The following PLG variants were observed in gnomAD, a reference collection of about 807,000 sequenced individuals.
PLG encodes the protein plasmin.
Under a neutral mutation model 104.4 loss-of-function variants are expected in PLG, and 41 were observed. The ratio of observed to expected loss-of-function variants is 0.39; its 90% CI spans 0.31 to 0.51. The LOEUF (loss-of-function observed/expected upper bound fraction) is 0.51. PLG is among the 20% of genes least tolerant of loss of function. The pLI is 0.76. For synonymous variants in PLG, 337 were observed against 357.1 expected, an observed-to-expected ratio of 0.94 and a Z score of 0.63; for missense variants, 891 against 1,003.6, an observed-to-expected ratio of 0.89 and a Z score of 1.52.
rs776753449 is a variant in PLG at position 160,741,354 on chromosome 6, T to A, written c.2062T>A (p.Ser688Thr). 2 of 1,613,374 alleles carry A rather than the reference T, an allele frequency of 1.2e-6. No individual in the cohort carries two copies. Among genetic ancestry groups the A allele is most frequent in the South Asian group, 2.2e-5 (2 of 91,080 alleles). Residue 688 changes from serine (S) to threonine (T), a missense_variant, in exon 17 of 19, where the codon TCC becomes ACC. Ser to Thr is a moderately conservative substitution (Grantham distance 58, BLOSUM62 1). Coordinates refer to ENST00000308192, the MANE Select transcript of PLG (RefSeq NM_000301.5). The surrounding 1 kb of genome is among the most constrained non-coding windows in gnomAD (Gnocchi z 4.7). ...TDKVIPACLP[S>T]PNYVVADRTE... ...CAAAGTAATCCCAGCTTGTCTGCCA[T>A]CCCCAAATTATGTGGTCGCTGACCG... is the stretch of plus-strand genomic sequence containing the variant.
At chr6:160,715,823 C>T (rs1365733496) in intron 6 of PLG, among the ~76,000 whole-genome samples, 1 of 152,238 alleles carries the variant, frequency 6.6e-6, no homozygotes, top group Admixed American at 6.5e-5. Context: ...TGGGTAAAGG[C>T]ACTTCCAGGA....
rs1277190549 is a variant in PLG at position 160,723,846 on chromosome 6, T to C, written c.1256+1279T>C. Among the ~76,000 whole-genome samples, 1 of 152,188 alleles carries C rather than the reference T, an allele frequency of 6.6e-6. No homozygotes were observed. Among genetic ancestry groups the C allele is most frequent in the African/African-American group, 2.4e-5 (1 of 41,442 alleles). On this transcript the variant is annotated intron_variant, in intron 10 of 18. Transcript: ENST00000308192. The surrounding 1 kb of genome is among the most constrained non-coding windows in gnomAD (Gnocchi z 4.7). ...CTGAGGAGAGACCTCGCTGAACATC[T>C]TGGGCATTCAGTAGTCACCACATAA...
chr6:160,741,517 T>A lies in PLG; in HGVS notation c.2125+100T>A, dbSNP rs1778195517. On this transcript the variant is annotated intron_variant, in intron 17 of 18. Transcript: ENST00000308192. The surrounding 1 kb of genome is among the most constrained non-coding windows in gnomAD (Gnocchi z 4.7). ...AGAAAGCTGTGCAAATTCCTATCCA[T>A]GAATGTGGTCCACCCCACTCCTGAT... 1.2e-6 allele frequency: 1 copy of A among 816,730 alleles called. No individual in the cohort carries two copies. 50.6% of individuals were successfully genotyped at this position (816,730 alleles called of 1,614,324 possible). A position where few individuals can be genotyped will look rare whatever the true frequency, so the allele number is the denominator to read the frequency against.
Position 160,716,701 on chromosome 6 carries a change from G to C in PLG, c.725G>C (p.Arg242Pro). The change falls in exon 7 of 19, where the codon CGG becomes CCG. Residue 242 changes from arginine to proline, a missense_variant. Around this residue, in one of 2 missense-constraint regions of PLG, gnomAD observed 854 missense variants for 932.1 expected, o/e 0.92. Coordinates refer to ENST00000308192, the MANE Select transcript of PLG (RefSeq NM_000301.5). ...NYCRNPDREL[R>P]PWCFTTDPNK... The stretch of plus-strand genomic sequence containing the variant: ...TGTCGTAACCCCGATAGGGAGCTGC[G>C]GCCTTGGTGTTTCACCACCGACCCC... The C allele has an allele frequency of 1.2e-6, 2 of 1,613,778 alleles. No homozygotes were observed. The highest frequency in any genetic ancestry group is 1.7e-6 in the Non-Finnish European group (2 of 1,179,716).
intron 2 of PLG, 112 bp from the exon 3 acceptor site, chr6:160,707,588 C>G: frequency 1.7e-6 from 2 of 1,157,162 alleles, no homozygotes; most frequent in Middle Eastern, 5.7e-4. Flanking sequence ...ATTCTGAGCT[C>G]TCTGGTCCCT....
intron 17 of PLG, among the ~76,000 whole-genome samples, chr6:160,750,370 A>T (rs1258899700): frequency 6.6e-6 from 1 of 152,228 alleles, no homozygotes; most frequent in Non-Finnish European, 1.5e-5. Context: ...TACCACTGGA[A>T]GGCAGCACCT....
chr6:160,749,373 C>G (rs1778356471), intron 17 of PLG, among the ~76,000 whole-genome samples: 1 of 151,818 alleles, frequency 6.6e-6, no homozygotes, highest in Admixed American at 6.6e-5. Flanking sequence ...TTGTCACCCT[C>G]AACATCACCA....
chr6:160,735,602 T>C lies in PLG; in HGVS notation c.1682-1285T>C, dbSNP rs2115177257. Among the ~76,000 whole-genome samples, 1 of 152,360 alleles carries C rather than the reference T, an allele frequency of 6.6e-6. No individual in the cohort carries two copies. Among genetic ancestry groups the C allele is most frequent in the East Asian group, 1.9e-4 (1 of 5,190 alleles). On this transcript the variant is annotated intron_variant, in intron 13 of 18. Transcript: ENST00000308192. The surrounding 1 kb of genome is among the most constrained non-coding windows in gnomAD (Gnocchi z 5.4). Reference sequence around the variant, plus strand: ...CTTGGAAATCCTGAGGACTGTTTCATGCAGAAGGATATGGTTTATTCAGGT... The same window carrying C: ...CTTGGAAATCCTGAGGACTGTTTCACGCAGAAGGATATGGTTTATTCAGGT...
At position 160,719,478 on chromosome 6, in the gene PLG, G is replaced by T. The variant is rs1475027695; in HGVS notation, c.1096+640G>T. 1.3e-5 allele frequency among the ~76,000 whole-genome samples: 2 copies of T among 152,010 alleles called. No individual in the cohort carries two copies. The highest frequency in any genetic ancestry group is 4.8e-5 in the African/African-American group (2 of 41,392). ...TATGATATATCTTTTAAATTTATCT[G>T]AGCTTTTAAATTGAGATGTTCAAAC... On this transcript the variant is annotated intron_variant, in intron 9 of 18. Coordinates refer to ENST00000308192, the MANE Select transcript of PLG (RefSeq NM_000301.5). This position sits in a 1 kb window ranked among gnomAD's most constrained non-coding sequence, Gnocchi z 4.1.
At chr6:160,722,266 T>C (rs1777842814) in intron 9 of PLG, 142 bp from the exon 10 acceptor site, 1 of 624,768 alleles carries the variant, frequency 1.6e-6, no homozygotes, top group Non-Finnish European at 2.9e-6. Flanking sequence ...ATAAATCTAT[T>C]TTTATGTTAA....
intron 4 of PLG, chr6:160,711,617 A>G (rs1379027938): frequency 9.9e-6 from 16 of 1,610,596 alleles, no homozygotes; most frequent in Non-Finnish European, 1.4e-5. Flanking sequence ...ATGTTCAACT[A>G]TTTTTGGCAC....
Position 160,740,409 on chromosome 6 carries a change from G to A in PLG, c.2019-902G>A, listed in dbSNP as rs1183640537. Reference sequence around the variant, plus strand: ...TGAACAAGTAATTTGGAAATTTTGGGTTTTGGAGGAGTTCTCTGATAGGCT... The same window carrying A: ...TGAACAAGTAATTTGGAAATTTTGGATTTTGGAGGAGTTCTCTGATAGGCT... On this transcript the variant is annotated intron_variant, in intron 16 of 18. Coordinates refer to ENST00000308192, the MANE Select transcript of PLG (RefSeq NM_000301.5). The surrounding 1 kb of genome is among the most constrained non-coding windows in gnomAD (Gnocchi z 5.2). 6.6e-6 allele frequency among the ~76,000 whole-genome samples: 1 copy of A among 152,168 alleles called. No individual in the cohort carries two copies. Among genetic ancestry groups the A allele is most frequent in the Non-Finnish European group, 1.5e-5 (1 of 68,044 alleles).
At chr6:160,730,205 C>T (rs887744383) in intron 10 of PLG, among the ~76,000 whole-genome samples, 41 of 152,220 alleles carry the variant, frequency 2.7e-4, no homozygotes, top group East Asian at 1.9e-4. Context: ...CCGTTGTTTT[C>T]GGACTCCTCC....
rs1370560309 is a variant in PLG at position 160,753,305 on chromosome 6, T to G, written c.*244T>G. ...ACTTTGATTTGAGTAAATTTTGGTTTTGGTCTTCAACATTTTCATGCTCTT... is the reference window on the plus strand; with the variant it reads ...ACTTTGATTTGAGTAAATTTTGGTTGTGGTCTTCAACATTTTCATGCTCTT... On this transcript the variant is annotated 3_prime_UTR_variant, in exon 19 of 19. Coordinates refer to ENST00000308192, the MANE Select transcript of PLG (RefSeq NM_000301.5). The surrounding 1 kb of genome is among the most constrained non-coding windows in gnomAD (Gnocchi z 5.4). 2.8e-5 allele frequency: 15 copies of G among 538,088 alleles called. No homozygotes were observed. Among genetic ancestry groups the G allele is most frequent in the Middle Eastern group, 5.2e-4 (1 of 1,938 alleles). The allele number at this position is 538,088 out of a possible 1,614,324, so 33.3% of individuals were successfully genotyped here. A position where few individuals can be genotyped will look rare whatever the true frequency, so the allele number is the denominator to read the frequency against.
intron 2 of PLG, among the ~76,000 whole-genome samples, chr6:160,707,331 T>G (rs1399434599): frequency 6.6e-6 from 1 of 152,056 alleles, no homozygotes; most frequent in South Asian, 2.1e-4. Context: ...GGGGAACTGA[T>G]CAGAGTTGGG....
At chr6:160,707,109 G>C (rs1777541776) in intron 2 of PLG, among the ~76,000 whole-genome samples, 1 of 152,124 alleles carries the variant, frequency 6.6e-6, no homozygotes, top group Admixed American at 6.5e-5. Context: ...GAGAGCTCTT[G>C]ACAAGCACCA....
At chr6:160,733,451 T>C (rs1369557594) in intron 12 of PLG, among the ~76,000 whole-genome samples, 1 of 151,918 alleles carries the variant, frequency 6.6e-6, no homozygotes, top group African/African-American at 2.4e-5. Flanking sequence ...TGTCCAGGGG[T>C]GTGGCCTCAT....
In PLG at chr6:160,752,240, G is replaced by A. The variant is rs121918033; in HGVS notation, c.2251G>A (p.Gly751Arg). 16 of 1,613,844 alleles carry A rather than the reference G, an allele frequency of 9.9e-6. No individual in the cohort carries two copies. Among genetic ancestry groups the A allele is most frequent in the Non-Finnish European group, 1.2e-5 (14 of 1,179,842 alleles). Residue 751 changes from glycine to arginine, a missense_variant, in exon 18 of 19, where the codon GGA becomes AGA. This residue lies in a region of PLG where 854 missense variants were observed against 932.1 expected (regional missense o/e 0.92). Coordinates refer to ENST00000308192, the MANE Select transcript of PLG (RefSeq NM_000301.5). This position sits in a 1 kb window ranked among gnomAD's most constrained non-coding sequence, Gnocchi z 4.7. ...CGAACTCTGTGCTGGGCATTTGGCC[G>A]GAGGCACTGACAGTTGCCAGGTAAG... ...STELCAGHLAGGTDSCQGDSG... is the reference protein window; with the variant it reads ...STELCAGHLARGTDSCQGDSG...
At chr6:160,743,478 A>T (rs932094751) in intron 17 of PLG, among the ~76,000 whole-genome samples, 3 of 152,154 alleles carry the variant, frequency 2.0e-5, no homozygotes, top group South Asian at 2.1e-4. Flanking sequence ...GTTGGTGTAA[A>T]GGGATGCTAG....
Sources: gnomAD v4.1 joint callset for allele counts (sites outside exome capture counted in the v4.1 genomes callset) on GRCh38, gnomAD v4.1.1 for gene constraint, gnomAD v4.1.1 regional missense constraint, Gnocchi (gnomAD v3.1) non-coding constraint, MANE v1.5 for transcripts, NCBI Gene and HGNC (gene_info 2026-07-23, HGNC 2026-07-21) for gene names.